Variants in CIT observed in about 807,000 individuals in gnomAD.
The protein encoded by CIT is citron Rho-interacting kinase.
CIT carries 79 observed loss-of-function variants against 272.7 expected under a neutral mutation model. The observed-to-expected ratio is 0.29, with a 90% CI of 0.24 to 0.35. The LOEUF is 0.35. CIT is among the 10% of genes least tolerant of loss of function. The probability of loss-of-function intolerance (pLI) is 1.00; values close to 1 mark genes in which losing one functional copy is unlikely to be tolerated. For synonymous variants in CIT, 948 were observed against 995.6 expected (o/e 0.95, Z 0.90); for missense variants, 1,909 against 2,618.3 (o/e 0.73, Z 5.91).
At chr12:119,723,539 G>A (rs1957918007) in intron 28 of CIT, among the ~76,000 whole-genome samples, 1 of 152,036 alleles carries the variant, frequency 6.6e-6, no homozygotes, top group Non-Finnish European at 1.5e-5. Context: ...TCTTAGCTGT[G>A]TGTTTAGACC....
At chr12:119,793,885 T>C (rs1965516970) in intron 10 of CIT, among the ~76,000 whole-genome samples, 1 of 152,240 alleles carries the variant, frequency 6.6e-6, no homozygotes, top group African/African-American at 2.4e-5. Flanking sequence ...AATGTGAATC[T>C]GCCCCCATCA....
chr12:119,838,232 C>A (rs1045851219), intron 5 of CIT, among the ~76,000 whole-genome samples: 1 of 151,936 alleles, frequency 6.6e-6, no homozygotes, highest in African/African-American at 2.4e-5. Flanking sequence ...GCCACCATGC[C>A]CAGCTAATTT....
chr12:119,747,911 C>T (rs1465943398), intron 23 of CIT, among the ~76,000 whole-genome samples: 1 of 152,088 alleles, frequency 6.6e-6, no homozygotes, highest in Non-Finnish European at 1.5e-5. Context: ...TGTCTGTAAT[C>T]CCAGCACTTT....
chr12:119,807,840 A>G (rs78121560), intron 9 of CIT, among the ~76,000 whole-genome samples: 1 of 152,054 alleles, frequency 6.6e-6, no homozygotes, highest in Non-Finnish European at 1.5e-5. Context: ...TTCACTAATG[A>G]CAAATAAGAA....
chr12:119,708,419 C>T, intron 39 of CIT, 101 bp from the exon 40 acceptor site: 1 of 1,187,512 alleles, frequency 8.4e-7, no homozygotes, highest in African/African-American at 1.6e-5. Flanking sequence ...TCACAAGAGG[C>T]CACACAGATG....
chr12:119,692,453 A>G (rs1478677982), intron 46 of CIT, among the ~76,000 whole-genome samples: 2 of 152,360 alleles, frequency 1.3e-5, no homozygotes, highest in East Asian at 3.9e-4. Context: ...GTCAACGTCC[A>G]TAATTGAGAA....
intron 6 of CIT, among the ~76,000 whole-genome samples, 159 bp downstream of exon 6, chr12:119,833,927 T>C (rs1968821471): frequency 6.6e-6 from 1 of 152,218 alleles, no homozygotes. Flanking sequence ...TCCTCCATCT[T>C]GGAAAGTTTG....
chr12:119,860,868 C>T lies in CIT; in HGVS notation c.239-3170G>A, dbSNP rs377314202. Among the ~76,000 whole-genome samples the T allele has an allele frequency of 4.6e-5, 7 of 151,942 alleles. No individual in the cohort carries two copies. In the East Asian group the frequency reaches 9.7e-4, roughly 21 times the overall value. On this transcript the variant is annotated intron_variant, in intron 3 of 47. Transcript: ENST00000392521. Reference sequence around the variant, plus strand: ...AGGCGCAATGGCTCAGGCCTGTAATCCCAGCACTTTGGGAGGCCCAGGTGG... The same window carrying T: ...AGGCGCAATGGCTCAGGCCTGTAATTCCAGCACTTTGGGAGGCCCAGGTGG...
At position 119,694,237 on chromosome 12, in the gene CIT, C is replaced by T. The variant is rs1022284334; in HGVS notation, c.5882+3422G>A. Among the ~76,000 whole-genome samples, 4 of 152,184 alleles carry T rather than the reference C, an allele frequency of 2.6e-5. No homozygotes were observed. The highest frequency in any genetic ancestry group is 5.9e-5 in the Non-Finnish European group (4 of 68,042). ...ACATCAGCCATCACCCATTCACCCACACTTTTCTAGGAATTTATCCTACAG... is the reference window on the plus strand; with the variant it reads ...ACATCAGCCATCACCCATTCACCCATACTTTTCTAGGAATTTATCCTACAG... On this transcript the variant is annotated intron_variant, in intron 46 of 47. Transcript: ENST00000392521. The surrounding 1 kb of genome is among the most constrained non-coding windows in gnomAD (Gnocchi z 4.5).
Position 119,784,473 on chromosome 12 carries a change from C to G in CIT, c.1402-422G>C. On this transcript the variant is annotated intron_variant, in intron 11 of 47. Coordinates refer to ENST00000392521, the MANE Select transcript of CIT (RefSeq NM_001206999.2). This position sits in a 1 kb window ranked among gnomAD's most constrained non-coding sequence, Gnocchi z 4.7. ...GCAAGGAGATATTTATTCGTCTGCA[C>G]TCTTAGGAGTCCCAGGCAAGCAGTG... is the stretch of plus-strand genomic sequence containing the variant. The G allele has an allele frequency of 8.4e-7, 1 of 1,194,498 alleles. No homozygotes were observed. Among genetic ancestry groups the G allele is most frequent in the Non-Finnish European group, 1.1e-6 (1 of 948,582 alleles). The allele number at this position is 1,194,498 out of a possible 1,614,324, so 74.0% of individuals were successfully genotyped here.
chr12:119,871,307 A>C (rs1413988710), intron 2 of CIT, among the ~76,000 whole-genome samples: 3 of 152,162 alleles, frequency 2.0e-5, no homozygotes, highest in Non-Finnish European at 2.9e-5. Flanking sequence ...ATGAAGCAGA[A>C]CTACCTAGCT....
At chr12:119,719,350 A>T (rs1271934373) in intron 30 of CIT, among the ~76,000 whole-genome samples, 1 of 152,180 alleles carries the variant, frequency 6.6e-6, no homozygotes, top group African/African-American at 2.4e-5. Context: ...CTCAAAAAAA[A>T]ATGCAAATGA....
intron 10 of CIT, 100 bp from the exon 11 acceptor site, chr12:119,785,165 T>C (rs1386531911): frequency 2.4e-6 from 3 of 1,263,888 alleles, no homozygotes; most frequent in Non-Finnish European, 3.3e-6. Flanking sequence ...AAACATCTCA[T>C]GCTCTTGATG....
intron 30 of CIT, among the ~76,000 whole-genome samples, chr12:119,719,331 A>C (rs1853273666): frequency 6.6e-6 from 1 of 152,112 alleles, no homozygotes; most frequent in Non-Finnish European, 1.5e-5. Context: ...GGTCAAAACA[A>C]GGGGCTTACT....
At chr12:119,730,853 C>G (rs1386123434) in intron 26 of CIT, among the ~76,000 whole-genome samples, 1 of 152,218 alleles carries the variant, frequency 6.6e-6, no homozygotes, top group East Asian at 1.9e-4. Flanking sequence ...ACAGGCCAGG[C>G]ACGGTGGCTC....
intron 44 of CIT, 95 bp from the exon 45 acceptor site, chr12:119,698,149 T>A (rs1185356185): frequency 5.3e-6 from 6 of 1,125,100 alleles, no homozygotes; most frequent in African/African-American, 1.5e-5. Context: ...GACCCAGCAA[T>A]CCTGTGTAAA....
At chr12:119,830,235 C>T (rs186183948) in intron 7 of CIT, among the ~76,000 whole-genome samples, 1 of 151,574 alleles carries the variant, frequency 6.6e-6, no homozygotes, top group Non-Finnish European at 1.5e-5. Context: ...AGGCAATATT[C>T]TCAAGTGTGT....
chr12:119,836,403 C>A (rs1335553982), intron 5 of CIT, among the ~76,000 whole-genome samples: 1 of 151,866 alleles, frequency 6.6e-6, no homozygotes. Context: ...TAGTTACTCA[C>A]CCCAGTCCTC....
intron 19 of CIT, among the ~76,000 whole-genome samples, chr12:119,763,008 C>G (rs1189279788): frequency 6.6e-6 from 1 of 152,136 alleles, no homozygotes; most frequent in Non-Finnish European, 1.5e-5. Flanking sequence ...ATCACACTAC[C>G]ACATTCTACC....
Sources: gnomAD v4.1 joint callset for allele counts (sites outside exome capture counted in the v4.1 genomes callset) on GRCh38, gnomAD v4.1.1 for gene constraint, Gnocchi (gnomAD v3.1) non-coding constraint, MANE v1.5 for transcripts, NCBI Gene and HGNC (gene_info 2026-07-23, HGNC 2026-07-21) for gene names.